GRIK5: variants seen among roughly 807,000 people sequenced by gnomAD.
The protein encoded by GRIK5 is glutamate receptor ionotropic, kainate 5.
A neutral mutation model predicts 97.4 loss-of-function variants in GRIK5; 43 were observed. That is an observed-to-expected ratio of 0.44 (90% confidence interval 0.35 to 0.57). GRIK5 has a LOEUF of 0.57. Among genes scored for constraint, GRIK5 ranks in the 20% least tolerant of loss-of-function variants. The pLI is 0.01. For missense variants in GRIK5, 1,015 were observed against 1,382.0 expected (o/e 0.73, Z 4.21); for synonymous variants, 580 against 583.5 (o/e 0.99, Z 0.09).
chr19:42,053,342 T>C (rs2076140372), intron 11 of GRIK5, among the ~76,000 whole-genome samples: 1 of 152,206 alleles, frequency 6.6e-6, no homozygotes. Context: ...GCAATCATGA[T>C]TCATCAGGAT....
chr19:42,053,948 G>C lies in GRIK5; in HGVS notation c.1057-19C>G. ...ACTCTACCTGGCAGGGTGGGGAGGTGGGGCAGAGGGAGAGTGCAGGGGCCC... is the reference window on the plus strand; with the variant it reads ...ACTCTACCTGGCAGGGTGGGGAGGTCGGGCAGAGGGAGAGTGCAGGGGCCC... On this transcript the variant is annotated intron_variant, in intron 9 of 19. Transcript: ENST00000593562. The C allele has an allele frequency of 6.4e-7, 1 of 1,555,130 alleles. No individual in the cohort carries two copies.
Position 41,998,725 on chromosome 19 carries a change from C to T in GRIK5, c.*146G>A, listed in dbSNP as rs1187829221. 2 of 275,942 alleles carry T rather than the reference C, an allele frequency of 7.2e-6. No homozygotes were observed. Among genetic ancestry groups the T allele is most frequent in the Non-Finnish European group, 1.2e-5 (2 of 168,860 alleles). The allele number at this position is 275,942 out of a possible 1,614,324, so 17.1% of individuals were successfully genotyped here. A position where few individuals can be genotyped will look rare whatever the true frequency, so the allele number is the denominator to read the frequency against. On this transcript the variant is annotated 3_prime_UTR_variant, in exon 20 of 20. Coordinates refer to ENST00000593562, the MANE Select transcript of GRIK5 (RefSeq NM_002088.5). ...CTCCAGAGCCAGGCCTCGGACTTCG[C>T]GGGGAACCAAAGGCAAAATCGCGGC...
chr19:42,044,667 G>A (rs993379952), intron 11 of GRIK5, among the ~76,000 whole-genome samples: 60 of 152,332 alleles, frequency 3.9e-4, no homozygotes, highest in African/African-American at 1.4e-3. Flanking sequence ...TATACACAAT[G>A]AGCCAGGTGT....
At chr19:42,068,315 G>C (rs545281475) in intron 1 of GRIK5, among the ~76,000 whole-genome samples, 7 of 152,306 alleles carry the variant, frequency 4.6e-5, no homozygotes, top group Non-Finnish European at 1.0e-4. Flanking sequence ...AATGCCGTGT[G>C]GGGGAGCAGG....
At chr19:42,011,349 G>A (rs1003830471) in intron 15 of GRIK5, among the ~76,000 whole-genome samples, 9 of 150,878 alleles carry the variant, frequency 6.0e-5, no homozygotes, top group African/African-American at 2.2e-4. Context: ...TCAGGAGATC[G>A]AGACCATCCT....
intron 12 of GRIK5, among the ~76,000 whole-genome samples, chr19:42,023,293 G>A (rs1045424089): frequency 6.6e-6 from 1 of 152,118 alleles, no homozygotes; most frequent in Non-Finnish European, 1.5e-5. Context: ...GCATCATCCA[G>A]AGGCGGCAGT....
chr19:42,061,042 A>AT (rs751161873), intron 5 of GRIK5, among the ~76,000 whole-genome samples: 1 of 151,510 alleles, frequency 6.6e-6, no homozygotes, highest in African/African-American at 2.4e-5. Flanking sequence ...AAATACCTTT[A>AT]TTTATTTATT....
At chr19:42,045,188 C>G (rs2076028498) in intron 11 of GRIK5, among the ~76,000 whole-genome samples, 2 of 152,188 alleles carry the variant, frequency 1.3e-5, no homozygotes, top group South Asian at 4.1e-4. Flanking sequence ...CTTCTTCTAG[C>G]AACAGATGGG....
intron 15 of GRIK5, among the ~76,000 whole-genome samples, chr19:42,009,181 C>T (rs980355612): frequency 1.3e-5 from 2 of 152,200 alleles, no homozygotes; most frequent in Admixed American, 6.6e-5. Context: ...TGAGCCTGGT[C>T]GTCACTGCAC....
At chr19:42,025,712 G>C (rs1341684487) in intron 12 of GRIK5, among the ~76,000 whole-genome samples, 2 of 152,070 alleles carry the variant, frequency 1.3e-5, no homozygotes, top group Admixed American at 1.3e-4. Context: ...CACCCGCCCA[G>C]GCCACCATCT....
Position 42,034,127 on chromosome 19 carries a change from C to T in GRIK5, c.1473+8425G>A, listed in dbSNP as rs531157764. On this transcript the variant is annotated intron_variant, in intron 12 of 19. Coordinates refer to ENST00000593562, the MANE Select transcript of GRIK5 (RefSeq NM_002088.5). ...CTGTAATCTCAGCACTTCAGGAGGT[C>T]GAGGCAGGTAGATTGCTTGAGCCGA... 4.6e-5 allele frequency among the ~76,000 whole-genome samples: 7 copies of T among 152,206 alleles called. No individual in the cohort carries two copies. In the East Asian group the frequency reaches 1.4e-3, roughly 29 times the overall value.
chr19:42,062,971 T>A lies in GRIK5; in HGVS notation c.245-116A>T. 1.3e-6 allele frequency: 1 copy of A among 742,264 alleles called. No homozygotes were observed. The highest frequency in any genetic ancestry group is 2.3e-6 in the Non-Finnish European group (1 of 430,466). 46.0% of individuals were successfully genotyped at this position (742,264 alleles called of 1,614,324 possible). A position where few individuals can be genotyped will look rare whatever the true frequency, so the allele number is the denominator to read the frequency against. ...GGATCAGACACTGGCAACTGCCTGA[T>A]CCTCTTCTGCCATCCGGGACCCAGA... is the stretch of plus-strand genomic sequence containing the variant. On this transcript the variant is annotated intron_variant, in intron 3 of 19. Transcript: ENST00000593562. This position sits in a 1 kb window ranked among gnomAD's most constrained non-coding sequence, Gnocchi z 5.3.
intron 11 of GRIK5, among the ~76,000 whole-genome samples, chr19:42,046,080 A>G (rs1280241806): frequency 6.6e-6 from 1 of 152,176 alleles, no homozygotes; most frequent in Admixed American, 6.5e-5. Context: ...GATAGAACCA[A>G]GGCTCAGAGA....
chr19:42,061,853 G>A (rs771902091), intron 5 of GRIK5, among the ~76,000 whole-genome samples: 1 of 152,162 alleles, frequency 6.6e-6, no homozygotes, highest in Non-Finnish European at 1.5e-5. Context: ...CCTAGAACAC[G>A]AATCTGACCC....
At chr19:42,028,535 T>G (rs2146071946) in intron 12 of GRIK5, among the ~76,000 whole-genome samples, 1 of 152,362 alleles carries the variant, frequency 6.6e-6, no homozygotes, top group Non-Finnish European at 1.5e-5. Flanking sequence ...TGGCAGCAGA[T>G]GAATCCGGTG....
chr19:42,060,222 A>G (rs1343879256), intron 5 of GRIK5, among the ~76,000 whole-genome samples: 1 of 151,382 alleles, frequency 6.6e-6, no homozygotes, highest in Non-Finnish European at 1.5e-5. Flanking sequence ...CCTGGCCAAT[A>G]TAGTGAGAAG....
intron 19 of GRIK5, among the ~76,000 whole-genome samples, chr19:42,000,129 T>C (rs1386738929): frequency 6.6e-6 from 1 of 152,208 alleles, no homozygotes; most frequent in Admixed American, 6.5e-5. Flanking sequence ...CCAGCTCTGG[T>C]AAGGCCCATA....
chr19:42,041,514 C>T (rs1486160054), intron 12 of GRIK5, among the ~76,000 whole-genome samples: 2 of 152,190 alleles, frequency 1.3e-5, no homozygotes, highest in African/African-American at 2.4e-5. Flanking sequence ...ATTATTATCC[C>T]CATCTTAGGG....
chr19:42,004,359 T>C (rs1410571931), intron 17 of GRIK5, among the ~76,000 whole-genome samples: 4 of 152,180 alleles, frequency 2.6e-5, no homozygotes, highest in East Asian at 1.9e-4. Flanking sequence ...TAAGCCATCC[T>C]TGGGCTTCAA....
Sources: allele counts gnomAD v4.1 joint callset (sites outside exome capture counted in the v4.1 genomes callset), GRCh38; gene constraint gnomAD v4.1.1; non-coding constraint Gnocchi (gnomAD v3.1); transcripts MANE v1.5; gene names NCBI Gene and HGNC (gene_info 2026-07-23, HGNC 2026-07-21).